Variants in DCDC1 observed in about 807,000 individuals in gnomAD.
DCDC1 encodes the protein doublecortin domain containing 1.
A neutral mutation model predicts 178.3 loss-of-function variants in DCDC1; 200 were observed. The observed-to-expected ratio is 1.12, with a 90% CI of 1.00 to 1.26. The LOEUF is 1.26. DCDC1 is among the 50% of genes most tolerant of loss of function. The probability of loss-of-function intolerance (pLI) is 0.00; values close to 1 mark genes in which losing one functional copy is unlikely to be tolerated. For synonymous variants in DCDC1, 690 were observed against 604.8 expected, an observed-to-expected ratio of 1.14 and a Z score of -2.07; for missense variants, 1,983 against 1,749.2, an observed-to-expected ratio of 1.13 and a Z score of -2.38.
At chr11:31,001,852 C>G (rs1951599211) in intron 20 of DCDC1, among the ~76,000 whole-genome samples, 1 of 152,174 alleles carries the variant, frequency 6.6e-6, no homozygotes. Flanking sequence ...GATTTATAAG[C>G]TTGGTTTCCC....
At chr11:30,884,098 A>C (rs1375223166) in intron 36 of DCDC1, among the ~76,000 whole-genome samples, 1 of 129,648 alleles carries the variant, frequency 7.7e-6, no homozygotes, top group African/African-American at 3.0e-5. Flanking sequence ...TGGCATGATC[A>C]GGGTTTGTAA....
At chr11:31,104,269 T>A (rs910127650) in intron 13 of DCDC1, among the ~76,000 whole-genome samples, 7 of 152,178 alleles carry the variant, frequency 4.6e-5, no homozygotes, top group African/African-American at 1.7e-4. Flanking sequence ...AAACAGATTT[T>A]AAATGAAAAC....
At chr11:31,290,556 G>A (rs1338074527) in intron 7 of DCDC1, 91 bp downstream of exon 7, 4 of 1,277,440 alleles carry the variant, frequency 3.1e-6, no homozygotes, top group African/African-American at 3.0e-5. Flanking sequence ...CTATTTGTTG[G>A]CATCGATATT....
intron 9 of DCDC1, among the ~76,000 whole-genome samples, chr11:31,185,283 C>T (rs1969341210): frequency 6.6e-6 from 1 of 152,062 alleles, no homozygotes; most frequent in African/African-American, 2.4e-5. Context: ...AAGGGAGGGA[C>T]AGCATTAGGA....
chr11:31,286,069 T>C (rs1354911597), intron 7 of DCDC1, among the ~76,000 whole-genome samples: 1 of 152,128 alleles, frequency 6.6e-6, no homozygotes, highest in African/African-American at 2.4e-5. Context: ...TATAGTAAGT[T>C]TGAAGTTTTA....
At chr11:30,909,921 C>T (rs1234557717) in intron 28 of DCDC1, among the ~76,000 whole-genome samples, 1 of 152,092 alleles carries the variant, frequency 6.6e-6, no homozygotes, top group Admixed American at 6.5e-5. Context: ...TATGTCATAA[C>T]ACCTCAAGGA....
Position 30,916,934 on chromosome 11 carries a change from C to A in DCDC1, c.3388G>T (p.Asp1130Tyr). The A allele has an allele frequency of 6.2e-7, 1 of 1,611,108 alleles. No homozygotes were observed. Among genetic ancestry groups the A allele is most frequent in the Non-Finnish European group, 8.5e-7 (1 of 1,178,644 alleles). ...TTTTCCGTTTTCTTTGGAAGACTGTCATCCTCATCAAAGTCATGTGAAGTT... is the reference window on the plus strand; with the variant it reads ...TTTTCCGTTTTCTTTGGAAGACTGTAATCCTCATCAAAGTCATGTGAAGTT... ...QETSHDFDED[D>Y]SLPKKTEKGL... Residue 1130 changes from aspartate to tyrosine, a missense_variant, in exon 26 of 39, where the codon GAC becomes TAC. Transcript: ENST00000684477.
In DCDC1 at chr11:31,230,930, T is replaced by C. The variant is rs552569591; in HGVS notation, c.1221+10520A>G. 5.3e-5 allele frequency among the ~76,000 whole-genome samples: 8 copies of C among 152,214 alleles called. No individual in the cohort carries two copies. In the South Asian group the frequency reaches 1.5e-3, roughly 28 times the overall value. ...TTTTAATAAAACATGAAAAAAACTC[T>C]TCTTTAACATTCAGGAAGTTATGAA... On this transcript the variant is annotated intron_variant, in intron 9 of 38. Coordinates refer to ENST00000684477, the MANE Select transcript of DCDC1 (RefSeq NM_001387274.1).
At chr11:30,885,204 G>C (rs1477112241) in intron 36 of DCDC1, among the ~76,000 whole-genome samples, 1 of 148,228 alleles carries the variant, frequency 6.7e-6, no homozygotes, top group Non-Finnish European at 1.5e-5. Flanking sequence ...AAATAAAGCA[G>C]AGAAAATAGC....
At chr11:31,103,052 G>T (rs977988238) in intron 14 of DCDC1, among the ~76,000 whole-genome samples, 2 of 152,228 alleles carry the variant, frequency 1.3e-5, no homozygotes, top group Non-Finnish European at 2.9e-5. Flanking sequence ...GAATTAAATC[G>T]ATCCTTACCC....
chr11:31,200,691 T>C (rs1971195297), intron 9 of DCDC1, among the ~76,000 whole-genome samples: 2 of 152,146 alleles, frequency 1.3e-5, no homozygotes, highest in South Asian at 2.1e-4. Flanking sequence ...TTAGATAGGC[T>C]GCCTTAGTAA....
chr11:31,007,246 AAC>A (rs551244710), intron 20 of DCDC1, among the ~76,000 whole-genome samples: 76 of 152,374 alleles, frequency 5.0e-4, no homozygotes, highest in Admixed American at 2.4e-3. Context: ...AATTAGAGAA[AAC>A]ACAGTGTTTC....
chr11:31,166,721 A>T (rs1272073208), intron 9 of DCDC1, among the ~76,000 whole-genome samples: 1 of 152,232 alleles, frequency 6.6e-6, no homozygotes, highest in Non-Finnish European at 1.5e-5. Flanking sequence ...TTTCTCACTA[A>T]CAGAACTCTA....
At chr11:30,914,924 T>C (rs2134200988) in intron 27 of DCDC1, among the ~76,000 whole-genome samples, 1 of 152,282 alleles carries the variant, frequency 6.6e-6, no homozygotes, top group Non-Finnish European at 1.5e-5. Flanking sequence ...AGCCAAGCTG[T>C]TTTATATTTC....
At chr11:31,229,422 T>A (rs768082820) in intron 9 of DCDC1, among the ~76,000 whole-genome samples, 8 of 152,162 alleles carry the variant, frequency 5.3e-5, no homozygotes, top group Non-Finnish European at 7.4e-5. Flanking sequence ...AAATACTACA[T>A]GAACAAGTAA....
chr11:31,287,906 GT>G lies in DCDC1; in HGVS notation c.960+2740del, dbSNP rs561445377. 9.4e-3 allele frequency among the ~76,000 whole-genome samples: 1,276 copies of G among 135,842 alleles called. 7 individuals carry two copies. Among genetic ancestry groups the G allele is most frequent in the East Asian group, 0.051 (239 of 4,666 alleles). 89.1% of individuals were successfully genotyped at this position (135,842 alleles called of 152,430 possible). A position where few individuals can be genotyped will look rare whatever the true frequency, so the allele number is the denominator to read the frequency against. On this transcript the variant is annotated intron_variant, in intron 7 of 38. Transcript: ENST00000684477. ...GTTCAAAAGGGAGCAAGAGGACAGC[GT>G]TTTTTTTTTTTTTATTGTTACATTC...
chr11:31,308,613 C>A (rs1340024611), intron 3 of DCDC1, among the ~76,000 whole-genome samples: 1 of 152,068 alleles, frequency 6.6e-6, no homozygotes, highest in Non-Finnish European at 1.5e-5. Context: ...GTCAGTTGGT[C>A]ACCCTACTGG....
Position 31,368,659 on chromosome 11 carries a change from T to C in DCDC1, c.-125+1038A>G, listed in dbSNP as rs922455032. ...CATAACATCATTAAATAACTGATCA[T>C]ATTAGATTATTTTATTTATTCTGCT... On this transcript the variant is annotated intron_variant, in intron 1 of 38. Transcript: ENST00000684477. 3.3e-5 allele frequency among the ~76,000 whole-genome samples: 5 copies of C among 152,244 alleles called. No individual in the cohort carries two copies. The East Asian group carries it at 7.7e-4, about 23-fold the overall frequency.
In DCDC1 at chr11:31,128,643, G is replaced by A. The variant is rs142084731; in HGVS notation, c.1315-1004C>T. Among the ~76,000 whole-genome samples the A allele has an allele frequency of 6.6e-4, 101 of 152,172 alleles. 1 individual carries two copies. The highest frequency in any genetic ancestry group is 2.1e-3 in the African/African-American group (89 of 41,548). ...TGAATAGAGCATTGACATCGAAAACGTGGGTTAAAATCCTGGATTCATCAC... is the reference window on the plus strand; with the variant it reads ...TGAATAGAGCATTGACATCGAAAACATGGGTTAAAATCCTGGATTCATCAC... On this transcript the variant is annotated intron_variant, in intron 10 of 38. Transcript: ENST00000684477.
Sources: gnomAD v4.1 joint callset for allele counts (sites outside exome capture counted in the v4.1 genomes callset) on GRCh38, gnomAD v4.1.1 for gene constraint, MANE v1.5 for transcripts, NCBI Gene and HGNC (gene_info 2026-07-23, HGNC 2026-07-21) for gene names.